The following INTS7 variants were observed in gnomAD, a reference collection of about 807,000 sequenced individuals.
INTS7 encodes integrator complex subunit 7.
INTS7 carries 46 observed loss-of-function variants against 109.2 expected under a neutral mutation model. That is an observed-to-expected ratio of 0.42 (90% CI 0.33 to 0.54). The LOEUF is 0.54. INTS7 is among the 20% of genes least tolerant of loss of function. The pLI is 0.07. For synonymous variants in INTS7, 412 were observed against 402.9 expected, an observed-to-expected ratio of 1.02 and a Z score of -0.27; for missense variants, 929 against 1,132.4, an observed-to-expected ratio of 0.82 and a Z score of 2.58.
At chr1:211,988,509 T>C (rs570654648) in intron 7 of INTS7, among the ~76,000 whole-genome samples, 7 of 151,502 alleles carry the variant, frequency 4.6e-5, no homozygotes, top group Non-Finnish European at 1.0e-4. Flanking sequence ...ATGTAAACTA[T>C]GTTGATACAT....
At position 211,959,799 on chromosome 1, in the gene INTS7, C is replaced by T. The variant is rs1663534712; in HGVS notation, c.2183+6631G>A. Among the ~76,000 whole-genome samples the T allele has an allele frequency of 1.3e-5, 2 of 152,194 alleles. No individual in the cohort carries two copies. Among genetic ancestry groups the T allele is most frequent in the South Asian group, 4.1e-4 (2 of 4,834 alleles). On this transcript the variant is annotated intron_variant, in intron 16 of 19. Transcript: ENST00000366994. This position sits in a 1 kb window ranked among gnomAD's most constrained non-coding sequence, Gnocchi z 4.2. ...CAGTTCTGTGTCTGCCAGCGCCACG[C>T]CCCTATGCTTATACTACCACTAGTG... is the stretch of plus-strand genomic sequence containing the variant.
chr1:211,968,456 ATAACT>A, intron 14 of INTS7, 52 bp downstream of exon 14: 1 of 1,426,504 alleles, frequency 7.0e-7, no homozygotes, highest in East Asian at 2.3e-5. Flanking sequence ...TTTTCATCTT[ATAACT>A]TCGAAAACCT....
In INTS7 at chr1:211,942,645, T is replaced by C. The variant is rs1662676029; in HGVS notation, c.2602-534A>G. Reference sequence around the variant, plus strand: ...TTTATTACTTAATGTAGTGATTCCTTACTCCTTTAACAAATTAACTGAACC... The same window carrying C: ...TTTATTACTTAATGTAGTGATTCCTCACTCCTTTAACAAATTAACTGAACC... On this transcript the variant is annotated intron_variant, in intron 19 of 19. Coordinates refer to ENST00000366994, the MANE Select transcript of INTS7 (RefSeq NM_015434.4). This position sits in a 1 kb window ranked among gnomAD's most constrained non-coding sequence, Gnocchi z 4.2. Among the ~76,000 whole-genome samples the C allele has an allele frequency of 6.6e-6, 1 of 152,242 alleles. No homozygotes were observed. The highest frequency in any genetic ancestry group is 1.9e-4 in the East Asian group (1 of 5,206).
intron 1 of INTS7, among the ~76,000 whole-genome samples, chr1:212,027,713 A>G (rs757016074): frequency 1.1e-4 from 17 of 152,272 alleles, no homozygotes; most frequent in Non-Finnish European, 2.2e-4. Flanking sequence ...TGCATCAGCA[A>G]TATCTGCTAA....
chr1:211,978,200 T>C (rs950553062), intron 11 of INTS7, 72 bp downstream of exon 11: 1 of 1,526,954 alleles, frequency 6.5e-7, no homozygotes, highest in Non-Finnish European at 9.0e-7. Context: ...CAAATAGTAA[T>C]GTTGACTTAA....
chr1:211,970,768 A>G (rs1292618722), intron 13 of INTS7, among the ~76,000 whole-genome samples: 1 of 152,244 alleles, frequency 6.6e-6, no homozygotes, highest in Non-Finnish European at 1.5e-5. Flanking sequence ...GACAAAGAGA[A>G]AAATGTATGG....
intron 13 of INTS7, among the ~76,000 whole-genome samples, chr1:211,972,205 C>T (rs191720806): frequency 6.6e-5 from 10 of 151,862 alleles, no homozygotes; most frequent in African/African-American, 2.2e-4. Flanking sequence ...TTTTTTTATG[C>T]CCTACATAAT....
chr1:212,025,100 T>C (rs114058366), intron 1 of INTS7, among the ~76,000 whole-genome samples: 3,985 of 152,262 alleles, frequency 0.026, 61 homozygotes, highest in African/African-American at 0.046. Context: ...TCTCTAAACA[T>C]TGTGAAAAAG....
chr1:211,969,109 C>T (rs1275471777), intron 13 of INTS7, among the ~76,000 whole-genome samples: 1 of 151,938 alleles, frequency 6.6e-6, no homozygotes, highest in East Asian at 1.9e-4. Context: ...ATGGTGAAAC[C>T]CCGTCTCTAT....
chr1:212,035,452 C>A lies in INTS7; in HGVS notation c.-15G>T. ...TTTGACGCCATGACCCGAATAGTTA[C>A]TCGACTAGCCTAGTCAGAAAGCTTG... On this transcript the variant is annotated 5_prime_UTR_variant, in exon 1 of 20. Transcript: ENST00000366994. 6.4e-7 allele frequency: 1 copy of A among 1,572,292 alleles called. No individual in the cohort carries two copies. Among genetic ancestry groups the A allele is most frequent in the Non-Finnish European group, 8.8e-7 (1 of 1,141,990 alleles).
chr1:211,949,399 T>C (rs1662990705), intron 17 of INTS7, among the ~76,000 whole-genome samples: 1 of 152,154 alleles, frequency 6.6e-6, no homozygotes, highest in African/African-American at 2.4e-5. Flanking sequence ...CACCTCTCTA[T>C]ATTCTCTCAG....
chr1:211,976,464 G>GA, intron 12 of INTS7, 118 bp downstream of exon 12: 1 of 868,744 alleles, frequency 1.2e-6, no homozygotes, highest in Non-Finnish European at 1.7e-6. Context: ...CAGAACCCAT[G>GA]ACTAAAAGGT....
intron 8 of INTS7, among the ~76,000 whole-genome samples, chr1:211,985,628 T>C (rs139151657): frequency 1.3e-5 from 2 of 152,334 alleles, no homozygotes; most frequent in African/African-American, 2.4e-5. Context: ...TTATTGTGCA[T>C]GTAAGTCAGT....
At chr1:212,031,310 A>G (rs1333833493) in intron 1 of INTS7, among the ~76,000 whole-genome samples, 1 of 152,260 alleles carries the variant, frequency 6.6e-6, no homozygotes, top group African/African-American at 2.4e-5. Flanking sequence ...AAAAATGTTT[A>G]GACTAAGAAA....
intron 4 of INTS7, 22 bp downstream of exon 4, chr1:212,016,864 G>T: frequency 6.3e-7 from 1 of 1,578,406 alleles, no homozygotes; most frequent in South Asian, 1.2e-5. Context: ...TTACTAAAAG[G>T]GATGTACTTT....
At position 211,952,371 on chromosome 1, in the gene INTS7, A is replaced by G. The variant is rs1663136066; in HGVS notation, c.2316+198T>C. On this transcript the variant is annotated intron_variant, in intron 17 of 19. Transcript: ENST00000366994. ...ATATTAATATAACTACGTAGCAGCTAGAGATGTGCTAAGTACTTTCATGGA... is the reference window on the plus strand; with the variant it reads ...ATATTAATATAACTACGTAGCAGCTGGAGATGTGCTAAGTACTTTCATGGA... 4 of 438,912 alleles carry G rather than the reference A, an allele frequency of 9.1e-6. No individual in the cohort carries two copies. The South Asian group carries it at 1.8e-4, about 19-fold the overall frequency. 27.2% of individuals were successfully genotyped at this position (438,912 alleles called of 1,614,324 possible).
chr1:211,995,241 CAGAA>C (rs1665329834), intron 7 of INTS7, among the ~76,000 whole-genome samples: 1 of 151,966 alleles, frequency 6.6e-6, no homozygotes, highest in Non-Finnish European at 1.5e-5. Flanking sequence ...ACAAAGGAAA[CAGAA>C]AGCATTACAG....
intron 16 of INTS7, among the ~76,000 whole-genome samples, chr1:211,954,546 T>C (rs1417919932): frequency 6.6e-6 from 1 of 152,260 alleles, no homozygotes; most frequent in African/African-American, 2.4e-5. Context: ...CATGTAAGTC[T>C]TTAATCCATC....
Position 211,982,707 on chromosome 1 carries a change from T to A in INTS7, c.1101A>T (p.Leu367=), listed in dbSNP as rs1231402888. 6.2e-7 allele frequency: 1 copy of A among 1,610,894 alleles called. No individual in the cohort carries two copies. ...RGIAAHGVRV[L]TNITVSCQEK... The stretch of plus-strand genomic sequence containing the variant: ...CTTGACAAGAAACAGTTATATTAGT[T>A]AGGACTCTAACTCCATGAGCTGCAA... Residue 367 remains leucine (L), a synonymous_variant, in exon 9 of 20, where the codon CTA becomes CTT. Transcript: ENST00000366994.
Sources: allele counts gnomAD v4.1 joint callset (sites outside exome capture counted in the v4.1 genomes callset), GRCh38; gene constraint gnomAD v4.1.1; non-coding constraint Gnocchi (gnomAD v3.1); transcripts MANE v1.5; gene names NCBI Gene and HGNC (gene_info 2026-07-23, HGNC 2026-07-21).